Variants in C12orf42 observed in about 807,000 individuals in gnomAD.
C12orf42 encodes the protein uncharacterized protein C12orf42.
A neutral mutation model predicts 21.6 loss-of-function variants in C12orf42; 25 were observed. The observed-to-expected ratio is 1.16, with a 90% CI of 0.84 to 1.62. The LOEUF (loss-of-function observed/expected upper bound fraction) is 1.62. Among genes scored for constraint, C12orf42 ranks in the 40% most tolerant of loss-of-function variants. The pLI is 0.00. For synonymous variants in C12orf42, 174 were observed against 175.0 expected (o/e 0.99, Z 0.05); for missense variants, 483 against 459.3 (o/e 1.05, Z -0.47).
At chr12:103,173,113 A>G in the C12orf42 span, among the ~76,000 whole-genome samples, 1 of 152,134 alleles carries the variant, frequency 6.6e-6, no homozygotes, top group Admixed American at 6.6e-5. Context: ...GGTACCAAAG[A>G]GTTCAGTGAT....
the C12orf42 span, among the ~76,000 whole-genome samples, chr12:103,225,606 A>G: frequency 6.6e-6 from 1 of 152,164 alleles, no homozygotes; most frequent in Non-Finnish European, 1.5e-5. Context: ...GCTGTAGTCC[A>G]GGAATAGTCA....
At position 103,355,317 on chromosome 12, in the gene C12orf42, G is replaced by A. The variant is rs115569350; in HGVS notation, c.259+13570C>T. ...GCGTGATTTGTGTTTGTATGTGTAGGTGTGTTTGCACATACATGCATACAC... is the reference window on the plus strand; with the variant it reads ...GCGTGATTTGTGTTTGTATGTGTAGATGTGTTTGCACATACATGCATACAC... On this transcript the variant is annotated intron_variant, in intron 4 of 5. Transcript: ENST00000548883. Among the ~76,000 whole-genome samples the A allele has an allele frequency of 3.3e-3, 503 of 152,156 alleles. 3 individuals are homozygous for A. Among genetic ancestry groups the A allele is most frequent in the African/African-American group, 0.011 (477 of 41,544 alleles).
Position 103,368,962 on chromosome 12 carries a change from A to T in C12orf42, c.184T>A (p.Ser62Thr), listed in dbSNP as rs371510466. The T allele has an allele frequency of 1.7e-4, 269 of 1,600,208 alleles. No individual in the cohort carries two copies. Among genetic ancestry groups the T allele is most frequent in the Non-Finnish European group, 2.1e-4 (249 of 1,172,028 alleles). The change falls in exon 4 of 6, where the codon TCC (serine) becomes ACC (threonine). Residue 62 changes from serine to threonine, a missense_variant. Transcript: ENST00000548883. ...PCYERTSVPC[S>T]RFINHMKNFS... ...TTCTTCATGTGATTAATGAATCTGG[A>T]GCAGGGTACTGAAGTTCTTTCATAA...
intron 2 of C12orf42, among the ~76,000 whole-genome samples, chr12:103,433,732 T>C (rs2139381679): frequency 6.6e-6 from 1 of 152,316 alleles, no homozygotes; most frequent in African/African-American, 2.4e-5. Flanking sequence ...ATGCAGAATG[T>C]GCAACTTGTT....
At chr12:103,246,902 C>A (rs1055338398) in intron 10 of C12orf42, among the ~76,000 whole-genome samples, 5 of 152,006 alleles carry the variant, frequency 3.3e-5, no homozygotes, top group African/African-American at 9.7e-5. Flanking sequence ...ATTTATCAGT[C>A]TATATTATTT....
intron 2 of C12orf42, among the ~76,000 whole-genome samples, chr12:103,419,664 G>A (rs2049691439): frequency 6.6e-6 from 1 of 152,134 alleles, no homozygotes; most frequent in South Asian, 2.1e-4. Context: ...CAGTCCTTCA[G>A]ATCTATTTGT....
At chr12:103,495,419 C>T (rs1462140887) in intron 1 of C12orf42, among the ~76,000 whole-genome samples, 2 of 151,882 alleles carry the variant, frequency 1.3e-5, no homozygotes, top group African/African-American at 4.8e-5. Context: ...GCCCCTCCCC[C>T]GCTCCCTCCC....
chr12:103,498,016 C>G (rs1290926466), upstream of C12orf42, among the ~76,000 whole-genome samples: 8 of 150,154 alleles, frequency 5.3e-5, no homozygotes, highest in African/African-American at 2.0e-4. Flanking sequence ...GCCTGGGTGA[C>G]AGAGCGAGAC....
chr12:103,082,434 C>A, the C12orf42 span, among the ~76,000 whole-genome samples: 5 of 152,330 alleles, frequency 3.3e-5, no homozygotes, highest in South Asian at 8.3e-4. Flanking sequence ...TTACTTTGTG[C>A]TAACTTCATT....
chr12:103,103,441 G>A, the C12orf42 span, among the ~76,000 whole-genome samples: 1 of 152,314 alleles, frequency 6.6e-6, no homozygotes, highest in Admixed American at 6.5e-5. Context: ...ACAGGGAAAA[G>A]GATCTCAGCT....
chr12:103,510,540 AAAG>A, the C12orf42 span, among the ~76,000 whole-genome samples: 1 of 152,164 alleles, frequency 6.6e-6, no homozygotes, highest in African/African-American at 2.4e-5. Flanking sequence ...TAAAAAAAAT[AAAG>A]AAGATGAAAA....
At chr12:103,067,363 G>C in the C12orf42 span, among the ~76,000 whole-genome samples, 1 of 152,270 alleles carries the variant, frequency 6.6e-6, no homozygotes, top group East Asian at 1.9e-4. Flanking sequence ...TCATGCTCAT[G>C]GAATTCACTG....
chr12:103,171,076 T>C, the C12orf42 span, among the ~76,000 whole-genome samples: 19 of 152,266 alleles, frequency 1.2e-4, no homozygotes, highest in African/African-American at 4.1e-4. Context: ...CCTTCTTTCC[T>C]GGAGCTTCTT....
At chr12:103,477,567 T>C (rs1488766323) in intron 2 of C12orf42, among the ~76,000 whole-genome samples, 5 of 152,044 alleles carry the variant, frequency 3.3e-5, no homozygotes. Context: ...TCCAGTATAA[T>C]ATAATCCAAT....
intron 10 of C12orf42, among the ~76,000 whole-genome samples, chr12:103,250,127 A>T (rs1340586249): frequency 6.6e-6 from 1 of 151,950 alleles, no homozygotes; most frequent in Non-Finnish European, 1.5e-5. Flanking sequence ...CTAAAGAAGT[A>T]TAGTATGTTT....
the C12orf42 span, among the ~76,000 whole-genome samples, chr12:103,195,487 T>C: frequency 6.6e-6 from 1 of 152,170 alleles, no homozygotes; most frequent in African/African-American, 2.4e-5. Flanking sequence ...ATGGCCATCC[T>C]GACTGGTATG....
chr12:103,123,438 C>A, the C12orf42 span, among the ~76,000 whole-genome samples: 4 of 151,996 alleles, frequency 2.6e-5, no homozygotes, highest in African/African-American at 9.7e-5. Flanking sequence ...TCAGAAAAGG[C>A]ATCTGATTTG....
the C12orf42 span, among the ~76,000 whole-genome samples, chr12:103,177,340 A>G: frequency 6.6e-6 from 1 of 152,180 alleles, no homozygotes; most frequent in African/African-American, 2.4e-5. Flanking sequence ...TCCACAATCT[A>G]AACTATGTAA....
rs147943357 is a variant in C12orf42 at position 103,338,343 on chromosome 12, T to C, written c.259+30544A>G. On this transcript the variant is annotated intron_variant, in intron 4 of 5. Transcript: ENST00000548883. ...AGAACTAAGAAACAGACTCATGTTT[T>C]CAATTTTCCTCTGAAGTTCCACACC... 4.0e-3 allele frequency among the ~76,000 whole-genome samples: 604 copies of C among 152,314 alleles called. 4 individuals carry two copies. The highest frequency in any genetic ancestry group is 0.013 in the African/African-American group (547 of 41,550).
Sources: allele counts gnomAD v4.1 joint callset (sites outside exome capture counted in the v4.1 genomes callset), GRCh38; gene constraint gnomAD v4.1.1; transcripts MANE v1.5; gene names NCBI Gene and HGNC (gene_info 2026-07-23, HGNC 2026-07-21).